Variants in RAB5A observed in about 807,000 individuals in gnomAD.
RAB5A encodes the protein RAB5A, member RAS oncogene family.
A neutral mutation model predicts 25.7 loss-of-function variants in RAB5A; 8 were observed. The ratio of observed to expected loss-of-function variants is 0.31; its 90% CI spans 0.18 to 0.56. The LOEUF (loss-of-function observed/expected upper bound fraction) is 0.56. Among genes scored for constraint, RAB5A ranks in the 20% least tolerant of loss-of-function variants. The pLI is 0.91. For synonymous variants in RAB5A, 98 were observed against 89.8 expected, an observed-to-expected ratio of 1.09 and a Z score of -0.52; for missense variants, 192 against 259.7, an observed-to-expected ratio of 0.74 and a Z score of 1.79.
intron 2 of RAB5A, among the ~76,000 whole-genome samples, chr3:19,963,072 G>A (rs1435810023): frequency 6.6e-6 from 1 of 152,030 alleles, no homozygotes; most frequent in Non-Finnish European, 1.5e-5. Context: ...ACCTCCCAAA[G>A]TGTTGGGATT....
At chr3:19,981,823 C>G (rs1047383219) in intron 5 of RAB5A, among the ~76,000 whole-genome samples, 2 of 152,056 alleles carry the variant, frequency 1.3e-5, no homozygotes, top group African/African-American at 4.8e-5. Context: ...CTGAATTTGA[C>G]AAGCCACACT....
intron 2 of RAB5A, among the ~76,000 whole-genome samples, chr3:19,964,823 G>A (rs1038065630): frequency 6.6e-6 from 1 of 152,096 alleles, no homozygotes; most frequent in African/African-American, 2.4e-5. Context: ...TGTTGGCCGG[G>A]CTGGTCTTGA....
intron 2 of RAB5A, among the ~76,000 whole-genome samples, chr3:19,954,274 C>T (rs1240976391): frequency 6.6e-6 from 1 of 152,168 alleles, no homozygotes; most frequent in Non-Finnish European, 1.5e-5. Context: ...CTCGGCCTCC[C>T]AAAGTGCTGG....
chr3:19,976,179 ATT>A lies in RAB5A; in HGVS notation c.438+12_438+13del. On this transcript the variant is annotated intron_variant, in intron 4 of 5. Coordinates refer to ENST00000273047, the MANE Select transcript of RAB5A (RefSeq NM_004162.5). ...AGCAGTAGATTTCCAGGTATGTTAA[ATT>A]TAACTCTCATTTGAAAGGCACTTTT... The A allele has an allele frequency of 6.3e-7, 1 of 1,599,026 alleles. No individual in the cohort carries two copies. The highest frequency in any genetic ancestry group is 8.5e-7 in the Non-Finnish European group (1 of 1,175,730).
At chr3:19,980,078 G>A (rs1696893681) in intron 5 of RAB5A, 1 of 152,166 alleles carries the variant, frequency 6.6e-6, no homozygotes, top group African/African-American at 2.4e-5. Context: ...AAAAACTCAA[G>A]TTTGCAGTTT....
chr3:19,961,242 T>G (rs989152118), intron 2 of RAB5A, among the ~76,000 whole-genome samples: 4 of 152,240 alleles, frequency 2.6e-5, no homozygotes, highest in Non-Finnish European at 4.4e-5. Context: ...AAGGTACTAA[T>G]TTTATAGACA....
intron 5 of RAB5A, among the ~76,000 whole-genome samples, chr3:19,980,476 G>T (rs1696903896): frequency 1.3e-5 from 2 of 149,650 alleles, no homozygotes; most frequent in Admixed American, 6.7e-5. Flanking sequence ...TGTTATGAAG[G>T]AACACTTTGA....
intron 2 of RAB5A, among the ~76,000 whole-genome samples, chr3:19,960,651 T>C (rs1053866484): frequency 6.6e-6 from 1 of 152,194 alleles, no homozygotes; most frequent in African/African-American, 2.4e-5. Flanking sequence ...ATGTAAACTT[T>C]AGTTACCTAG....
intron 4 of RAB5A, among the ~76,000 whole-genome samples, chr3:19,977,189 C>T (rs1439669266): frequency 6.6e-6 from 1 of 151,838 alleles, no homozygotes; most frequent in Non-Finnish European, 1.5e-5. Flanking sequence ...TCTGCTGCCT[C>T]AGCCTCCCAA....
At chr3:19,952,088 C>G (rs1385248795) in intron 2 of RAB5A, among the ~76,000 whole-genome samples, 2 of 152,072 alleles carry the variant, frequency 1.3e-5, no homozygotes, top group African/African-American at 4.8e-5. Context: ...GTGGTGCATT[C>G]CTGTAGTCCC....
intron 5 of RAB5A, among the ~76,000 whole-genome samples, chr3:19,983,377 G>T (rs1696969743): frequency 1.3e-5 from 2 of 149,686 alleles, no homozygotes; most frequent in African/African-American, 4.9e-5. Context: ...GTAATAATGA[G>T]TATAAAATAA....
chr3:19,971,681 G>A (rs1696754784), intron 2 of RAB5A, among the ~76,000 whole-genome samples: 1 of 152,078 alleles, frequency 6.6e-6, no homozygotes, highest in South Asian at 2.1e-4. Flanking sequence ...CGCCATACCG[G>A]TCAGGCTGGT....
At chr3:19,953,578 T>C (rs1392136807) in intron 2 of RAB5A, among the ~76,000 whole-genome samples, 1 of 152,088 alleles carries the variant, frequency 6.6e-6, no homozygotes, top group Non-Finnish European at 1.5e-5. Flanking sequence ...TGGCCAATTT[T>C]TGTATTTTTA....
chr3:19,981,283 A>G (rs1259832193), intron 5 of RAB5A, among the ~76,000 whole-genome samples: 1 of 152,162 alleles, frequency 6.6e-6, no homozygotes, highest in African/African-American at 2.4e-5. Context: ...TTACTACGGG[A>G]TTACATACAG....
chr3:19,949,828 T>C (rs536272011), intron 1 of RAB5A, among the ~76,000 whole-genome samples: 3 of 152,242 alleles, frequency 2.0e-5, no homozygotes, highest in African/African-American at 4.8e-5. Flanking sequence ...GAGGATTGCT[T>C]GAGCCCGAGA....
chr3:19,960,891 A>G (rs1267100102), intron 2 of RAB5A, among the ~76,000 whole-genome samples: 1 of 152,174 alleles, frequency 6.6e-6, no homozygotes, highest in Non-Finnish European at 1.5e-5. Context: ...GGCCCCAAAG[A>G]AGAAGTGGGT....
chr3:19,959,960 C>T (rs902796444), intron 2 of RAB5A, among the ~76,000 whole-genome samples: 1 of 152,044 alleles, frequency 6.6e-6, no homozygotes, highest in Admixed American at 6.6e-5. Flanking sequence ...GATAATTGAT[C>T]TTTTTGGAGA....
At chr3:19,975,101 C>T (rs6796425) in intron 2 of RAB5A, among the ~76,000 whole-genome samples, 25,782 of 151,908 alleles carry the variant, frequency 0.17, 2,116 homozygotes, top group South Asian at 0.21. Context: ...TGGTGCATGC[C>T]TGTAGTCCCA....
Position 19,969,044 on chromosome 3 carries a change from G to GTTTTT in RAB5A, c.164-6557_164-6556insTTTTT, listed in dbSNP as rs746635502. 3.7e-4 allele frequency among the ~76,000 whole-genome samples: 24 copies of GTTTTT among 65,548 alleles called. 2 individuals carry two copies. The highest frequency in any genetic ancestry group is 8.3e-4 in the African/African-American group (10 of 12,038). 43.0% of individuals were successfully genotyped at this position (65,548 alleles called of 152,430 possible). The stretch of plus-strand genomic sequence containing the variant: ...TTTTTGGTTTTGGTTTTTTTTTTTT[G>GTTTTT]GTTTTTTTTTTTTTTTTGAGATGGA... On this transcript the variant is annotated intron_variant, in intron 2 of 5. Transcript: ENST00000273047.
Sources: allele counts gnomAD v4.1 joint callset (sites outside exome capture counted in the v4.1 genomes callset), GRCh38; gene constraint gnomAD v4.1.1; transcripts MANE v1.5; gene names NCBI Gene and HGNC (gene_info 2026-07-23, HGNC 2026-07-21).